The following MYLK2 variants were observed in gnomAD, a reference collection of about 807,000 sequenced individuals.
MYLK2 encodes myosin light chain kinase 2.
Under a neutral mutation model 58.2 loss-of-function variants are expected in MYLK2, and 27 were observed. The observed-to-expected ratio is 0.46, with a 90% confidence interval of 0.34 to 0.64. The LOEUF is 0.64. Among genes scored for constraint, MYLK2 ranks in the 30% least tolerant of loss-of-function variants. The pLI, the probability that MYLK2 is intolerant of heterozygous loss-of-function variation, is 0.01. For synonymous variants in MYLK2, 310 were observed against 296.7 expected (o/e 1.04, Z -0.46); for missense variants, 676 against 764.3 (o/e 0.88, Z 1.36).
intron 8 of MYLK2, among the ~76,000 whole-genome samples, chr20:31,829,970 A>G (rs1351679121): frequency 6.6e-6 from 1 of 152,090 alleles, no homozygotes; most frequent in African/African-American, 2.4e-5. Flanking sequence ...GGAGAAGACA[A>G]TCCCTGGCCT....
intron 6 of MYLK2, among the ~76,000 whole-genome samples, chr20:31,825,468 C>T (rs1442442293): frequency 6.6e-6 from 1 of 152,106 alleles, no homozygotes; most frequent in Non-Finnish European, 1.5e-5. Flanking sequence ...ACACCCCTGC[C>T]CTCATGGGCT....
At chr20:31,819,977 C>T (rs1027011250) in intron 2 of MYLK2, 149 bp from the exon 3 acceptor site, 1 of 1,034,934 alleles carries the variant, frequency 9.7e-7, no homozygotes, top group South Asian at 1.4e-5. Context: ...CTCTAGGGGC[C>T]ATCAAGTGGC....
Position 31,821,666 on chromosome 20 carries a change from C to G in MYLK2, c.701C>G (p.Pro234Arg), listed in dbSNP as rs781676155. ...TSRGIEFQAV[P>R]SEKSEVGQAL... ...AGGGGGATTGAGTTCCAGGCTGTTC[C>G]CTCAGAGAAATCCGAGGTGGGGCAG... The change falls in exon 4 of 13, where the codon CCC becomes CGC. Residue 234 changes from proline (P) to arginine (R), a missense_variant. This residue lies in a region of MYLK2 where 306 missense variants were observed against 296.5 expected (regional missense o/e 1.03). Transcript: ENST00000375985. 1 of 1,613,520 alleles carries G rather than the reference C, an allele frequency of 6.2e-7. No individual in the cohort carries two copies. Among genetic ancestry groups the G allele is most frequent in the East Asian group, 2.2e-5 (1 of 44,888 alleles).
chr20:31,828,663 C>T (rs1028702892), intron 8 of MYLK2: 29 of 985,322 alleles, frequency 2.9e-5, no homozygotes, highest in Non-Finnish European at 3.1e-5. Flanking sequence ...GAAGTCAGCA[C>T]GGGTCTGAAG....
At chr20:31,819,472 A>T in intron 1 of MYLK2, 44 bp downstream of exon 1, 4 of 1,432,852 alleles carry the variant, frequency 2.8e-6, no homozygotes, top group Non-Finnish European at 2.9e-6. Flanking sequence ...TTCCTGTCTC[A>T]CTGCAGCCAG....
At chr20:31,819,709 A>C in intron 2 of MYLK2, 77 bp downstream of exon 2, 9 of 1,498,662 alleles carry the variant, frequency 6.0e-6, no homozygotes, top group South Asian at 1.2e-5. Flanking sequence ...CAGGTTCCTC[A>C]GTGGGAGTTC....
chr20:31,823,912 T>C, intron 5 of MYLK2: 1 of 984,304 alleles, frequency 1.0e-6, no homozygotes, highest in South Asian at 4.7e-5. Context: ...CTCAGTCTTA[T>C]ACCTCTGCAG....
chr20:31,828,307 C>G (rs941091908), intron 8 of MYLK2: 2 of 985,254 alleles, frequency 2.0e-6, no homozygotes, highest in African/African-American at 3.5e-5. Context: ...GTTGGCAGTC[C>G]TCATGGCAGG....
intron 6 of MYLK2, 27 bp from the exon 7 acceptor site, chr20:31,826,578 G>A (rs1290580911): frequency 6.2e-7 from 1 of 1,613,724 alleles, no homozygotes; most frequent in South Asian, 1.1e-5. Context: ...GTGCCCAGCT[G>A]GTACCCTTGA....
chr20:31,830,448 G>C (rs1384483067), intron 8 of MYLK2, among the ~76,000 whole-genome samples: 1 of 152,162 alleles, frequency 6.6e-6, no homozygotes, highest in African/African-American at 2.4e-5. Context: ...ATCTGGTGGT[G>C]GTCCTGCACT....
chr20:31,826,976 GC>G (rs2062283702), intron 8 of MYLK2, 38 bp downstream of exon 8: 1 of 1,613,388 alleles, frequency 6.2e-7, no homozygotes, highest in Non-Finnish European at 8.5e-7. Flanking sequence ...GTCAGGGGCA[GC>G]CTCCGACCCC....
chr20:31,825,690 G>A (rs1478881625), intron 6 of MYLK2, among the ~76,000 whole-genome samples: 1 of 152,078 alleles, frequency 6.6e-6, no homozygotes, highest in Non-Finnish European at 1.5e-5. Flanking sequence ...TATGTGAGGT[G>A]AGAACTGAAT....
intron 8 of MYLK2, 41 bp from the exon 9 acceptor site, chr20:31,830,778 G>A (rs774163511): frequency 6.9e-6 from 11 of 1,602,116 alleles, no homozygotes; most frequent in Non-Finnish European, 9.4e-6. Flanking sequence ...GGGAGGGTGA[G>A]CTGGTCAGAG....
rs1047844650 is a variant in MYLK2 at position 31,831,761 on chromosome 20, C to T, written c.1483C>T (p.Leu495=). ...TGACACAGAGACCCTAAACAACGTT[C>T]TATCTGGCAACTGGTACTTTGATGA... ...DDDTETLNNV[L]SGNWYFDEET... is the part of the protein sequence containing the mutation. The change falls in exon 11 of 13, where the codon CTA becomes TTA. Residue 495 remains leucine, a synonymous_variant. Transcript: ENST00000375985. 3 of 1,614,048 alleles carry T rather than the reference C, an allele frequency of 1.9e-6. No homozygotes were observed. The African/African-American group carries it at 4.0e-5, about 22-fold the overall frequency.
intron 10 of MYLK2, 107 bp from the exon 11 acceptor site, chr20:31,831,596 A>G: frequency 7.5e-7 from 1 of 1,340,794 alleles, no homozygotes; most frequent in Non-Finnish European, 1.1e-6. Flanking sequence ...GGGTCTTTTC[A>G]GCACACGGTG....
In MYLK2 at chr20:31,819,567, C is replaced by G; in HGVS notation, c.-14C>G. 6.4e-7 allele frequency: 1 copy of G among 1,551,488 alleles called. No individual in the cohort carries two copies. The highest frequency in any genetic ancestry group is 2.0e-5 in the Admixed American group (1 of 51,008). ...CTTGAGTTAGACAAGCAGCAGCACACGCCTCCCTACCTCATGGCGACAGAA... is the reference window on the plus strand; with the variant it reads ...CTTGAGTTAGACAAGCAGCAGCACAGGCCTCCCTACCTCATGGCGACAGAA... On this transcript the variant is annotated 5_prime_UTR_variant, in exon 2 of 13. Coordinates refer to ENST00000375985, the MANE Select transcript of MYLK2 (RefSeq NM_033118.4).
In MYLK2 at chr20:31,821,471, G is replaced by A; in HGVS notation, c.506G>A (p.Ser169Asn). 1 of 1,613,858 alleles carries A rather than the reference G, an allele frequency of 6.2e-7. No homozygotes were observed. The highest frequency in any genetic ancestry group is 8.5e-7 in the Non-Finnish European group (1 of 1,180,046). ...AAGCTGCTGGCCAAGAAGCCCCCAAGCGAGGCATCAGAGCTCACCTTTGAA... is the reference window on the plus strand; with the variant it reads ...AAGCTGCTGGCCAAGAAGCCCCCAAACGAGGCATCAGAGCTCACCTTTGAA... ...SEKLLAKKPPSEASELTFEGV... is the reference protein window; with the variant it reads ...SEKLLAKKPPNEASELTFEGV... The change falls in exon 4 of 13, where the codon AGC (serine) becomes AAC (asparagine). Residue 169 changes from serine (S) to asparagine (N), a missense_variant. Physicochemically the swap from Ser to Asn is conservative, Grantham distance 46. Coordinates refer to ENST00000375985, the MANE Select transcript of MYLK2 (RefSeq NM_033118.4).
intron 10 of MYLK2, 111 bp downstream of exon 10, chr20:31,831,252 C>T (rs2062305105): frequency 6.7e-7 from 1 of 1,490,222 alleles, no homozygotes; most frequent in Admixed American, 1.7e-5. Flanking sequence ...TCCCCTATCC[C>T]TCAGTCAGGG....
Position 31,833,621 on chromosome 20 carries a change from C to T in MYLK2, c.1711-96C>T, listed in dbSNP as rs1483645689. 17 of 1,118,384 alleles carry T rather than the reference C, an allele frequency of 1.5e-5. No individual in the cohort carries two copies. In the Middle Eastern group the frequency reaches 5.8e-4, roughly 38 times the overall value. The allele number at this position is 1,118,384 out of a possible 1,614,324, so 69.3% of individuals were successfully genotyped here. ...ACTGCACCTTCTCTAGCCTGTGACC[C>T]TCCTGGACTGAAGGGGACTTACAGG... is the stretch of plus-strand genomic sequence containing the variant. On this transcript the variant is annotated intron_variant, in intron 12 of 12. Coordinates refer to ENST00000375985, the MANE Select transcript of MYLK2 (RefSeq NM_033118.4).
Sources: gnomAD v4.1 joint callset for allele counts (sites outside exome capture counted in the v4.1 genomes callset) on GRCh38, gnomAD v4.1.1 for gene constraint, gnomAD v4.1.1 regional missense constraint, MANE v1.5 for transcripts, NCBI Gene and HGNC (gene_info 2026-07-23, HGNC 2026-07-21) for gene names.